Variants in BBX observed in about 807,000 individuals in gnomAD.
The protein encoded by BBX is HMG box transcription factor BBX.
A neutral mutation model predicts 100.2 loss-of-function variants in BBX; 30 were observed. The observed-to-expected ratio is 0.30, with a 90% CI of 0.22 to 0.41. BBX has a LOEUF of 0.41. BBX is among the 10% of genes least tolerant of loss of function. The pLI is 1.00. For missense variants in BBX, 1,023 were observed against 1,129.8 expected (o/e 0.91, Z 1.35); for synonymous variants, 376 against 388.1 (o/e 0.97, Z 0.37).
chr3:107,630,270 T>G (rs1349338724), intron 2 of BBX, among the ~76,000 whole-genome samples: 2 of 152,202 alleles, frequency 1.3e-5, no homozygotes, highest in African/African-American at 2.4e-5. Context: ...GTAGTCTAGC[T>G]TGAGAGTGAT....
At chr3:107,591,804 A>T (rs995521776) in intron 2 of BBX, among the ~76,000 whole-genome samples, 8 of 152,198 alleles carry the variant, frequency 5.3e-5, no homozygotes, top group Non-Finnish European at 8.8e-5. Flanking sequence ...CATCTACTAA[A>T]CACTTTTAAA....
chr3:107,656,390 T>C (rs2058145112), intron 3 of BBX, among the ~76,000 whole-genome samples: 1 of 152,194 alleles, frequency 6.6e-6, no homozygotes, highest in African/African-American at 2.4e-5. Context: ...CTTTGGTTCC[T>C]TCTAAAAGCT....
chr3:107,583,620 C>A (rs973137219), intron 2 of BBX, among the ~76,000 whole-genome samples: 1 of 151,340 alleles, frequency 6.6e-6, no homozygotes, highest in Non-Finnish European at 1.5e-5. Flanking sequence ...TTGAAGTATA[C>A]AATAAATTAT....
intron 2 of BBX, among the ~76,000 whole-genome samples, chr3:107,547,214 C>T (rs2049305801): frequency 6.6e-6 from 1 of 151,986 alleles, no homozygotes; most frequent in African/African-American, 2.4e-5. Flanking sequence ...GGGATGATGG[C>T]ATAAATTGTA....
chr3:107,804,912 G>A (rs982452724), intron 17 of BBX, among the ~76,000 whole-genome samples: 5 of 151,708 alleles, frequency 3.3e-5, no homozygotes, highest in African/African-American at 1.2e-4. Context: ...TACTATAGGA[G>A]AACTTTCCCT....
intron 3 of BBX, chr3:107,662,044 T>C (rs886974280): frequency 6.3e-6 from 2 of 319,228 alleles, no homozygotes; most frequent in Non-Finnish European, 9.1e-6. Flanking sequence ...ACAGAAGAAA[T>C]AAATTTGTAA....
chr3:107,680,825 A>G (rs576890391), intron 3 of BBX, among the ~76,000 whole-genome samples: 4 of 152,246 alleles, frequency 2.6e-5, no homozygotes, highest in African/African-American at 9.6e-5. Context: ...AATTAAACAG[A>G]TTGGATCTTT....
chr3:107,786,552 T>G (rs1306953834), intron 13 of BBX, among the ~76,000 whole-genome samples: 2 of 152,114 alleles, frequency 1.3e-5, no homozygotes, highest in Non-Finnish European at 2.9e-5. Flanking sequence ...ATGAGAACAG[T>G]AGAGTCTTTC....
chr3:107,792,138 T>C (rs2069125755), intron 15 of BBX, among the ~76,000 whole-genome samples: 1 of 152,254 alleles, frequency 6.6e-6, no homozygotes, highest in African/African-American at 2.4e-5. Context: ...TGTTAAGCAT[T>C]GAGCCCTTAG....
At chr3:107,638,775 A>G (rs1464754314) in intron 2 of BBX, among the ~76,000 whole-genome samples, 39 of 100,334 alleles carry the variant, frequency 3.9e-4, no homozygotes, top group Non-Finnish European at 6.4e-4. Flanking sequence ...AAAAAAAAAA[A>G]AGTATACACA....
rs1011068041 is a variant in BBX, at chr3:107,538,932, C to T, written c.-84+12534C>T. On this transcript the variant is annotated intron_variant, in intron 2 of 17. Transcript: ENST00000325805. Reference sequence around the variant, plus strand: ...CCAAGCTGGGACCACAGGAACATGCCACCACACCCAGCCAATTTTTATTAT... The same window carrying T: ...CCAAGCTGGGACCACAGGAACATGCTACCACACCCAGCCAATTTTTATTAT... Among the ~76,000 whole-genome samples the T allele has an allele frequency of 5.3e-5, 8 of 152,046 alleles. No individual in the cohort carries two copies. The South Asian group carries it at 6.2e-4, about 12-fold the overall frequency.
intron 2 of BBX, among the ~76,000 whole-genome samples, chr3:107,639,382 A>G (rs768233991): frequency 7.2e-5 from 11 of 152,096 alleles, no homozygotes; most frequent in Non-Finnish European, 1.3e-4. Context: ...AGCTAACCCA[A>G]TCTCTGAGGG....
chr3:107,701,826 A>G (rs571110717), intron 3 of BBX, among the ~76,000 whole-genome samples: 47 of 150,626 alleles, frequency 3.1e-4, no homozygotes, highest in African/African-American at 8.3e-4. Context: ...AAAAAAAAAA[A>G]GGGGATAATA....
chr3:107,708,761 A>C (rs1467646447), intron 3 of BBX, among the ~76,000 whole-genome samples: 6 of 152,162 alleles, frequency 3.9e-5, no homozygotes, highest in Non-Finnish European at 5.9e-5. Context: ...TTATTGTAGC[A>C]TAATAATCTT....
chr3:107,581,934 A>G (rs2107551649), intron 2 of BBX, among the ~76,000 whole-genome samples: 2 of 152,298 alleles, frequency 1.3e-5, no homozygotes, highest in South Asian at 4.1e-4. Context: ...CAGTATTATT[A>G]CATCTGTAGT....
intron 2 of BBX, among the ~76,000 whole-genome samples, chr3:107,546,957 T>A (rs1242476419): frequency 6.6e-6 from 1 of 152,214 alleles, no homozygotes; most frequent in Non-Finnish European, 1.5e-5. Flanking sequence ...TTATTTATTC[T>A]GACTTGTGGG....
chr3:107,580,262 A>T (rs372040627), intron 2 of BBX, among the ~76,000 whole-genome samples: 2 of 152,224 alleles, frequency 1.3e-5, no homozygotes, highest in African/African-American at 4.8e-5. Flanking sequence ...TTCACTTACT[A>T]GGAGTTTATG....
intron 3 of BBX, among the ~76,000 whole-genome samples, chr3:107,691,862 A>G (rs1416499310): frequency 6.6e-6 from 1 of 152,200 alleles, no homozygotes; most frequent in East Asian, 1.9e-4. Flanking sequence ...AGCAGCTAGG[A>G]TAAGCAACTT....
chr3:107,601,512 G>A (rs922905818), intron 2 of BBX, among the ~76,000 whole-genome samples: 3 of 152,176 alleles, frequency 2.0e-5, no homozygotes, highest in Admixed American at 6.5e-5. Flanking sequence ...TTGTTGATAC[G>A]GAGAAAGTTT....
Sources: allele counts gnomAD v4.1 joint callset (sites outside exome capture counted in the v4.1 genomes callset), GRCh38; gene constraint gnomAD v4.1.1; transcripts MANE v1.5; gene names NCBI Gene and HGNC (gene_info 2026-07-23, HGNC 2026-07-21).